Variants in LAMTOR5 observed in about 807,000 individuals in gnomAD.
LAMTOR5 encodes the protein late endosomal/lysosomal adaptor, MAPK and MTOR activator 5.
Under a neutral mutation model 12.1 loss-of-function variants are expected in LAMTOR5, and 8 were observed. The ratio of observed to expected loss-of-function variants is 0.66; its 90% confidence interval spans 0.39 to 1.19. The LOEUF is 1.19. Ranked by LOEUF, LAMTOR5 falls within the 50% of genes most tolerant of loss-of-function variation. The probability of loss-of-function intolerance (pLI) is 0.01; values close to 1 mark genes in which losing one functional copy is unlikely to be tolerated. For synonymous variants in LAMTOR5, 37 were observed against 41.9 expected (o/e 0.88, Z 0.45); for missense variants, 110 against 112.8 (o/e 0.97, Z 0.11).
At chr1:110,406,502 T>A in intron 1 of LAMTOR5, 123 bp from the exon 2 acceptor site, 1 of 623,346 alleles carries the variant, frequency 1.6e-6, no homozygotes, top group Non-Finnish European at 2.7e-6. Context: ...TTTCTCAATC[T>A]TTTTTCATTG....
At chr1:110,407,831 G>C (rs2101114089), upstream of LAMTOR5, 7 of 1,613,918 alleles carry the variant, frequency 4.3e-6, no homozygotes, top group South Asian at 1.1e-5. Context: ...GGCTCCCCGC[G>C]CGGTGACCGT....
intron 3 of LAMTOR5, 63 bp from the exon 4 acceptor site, chr1:110,401,646 A>C (rs1435234844): frequency 3.3e-6 from 5 of 1,527,576 alleles, no homozygotes; most frequent in Non-Finnish European, 4.5e-6. Context: ...GCAAGATTAA[A>C]GATGTTGTTT....
chr1:110,407,637 T>C lies in LAMTOR5; in HGVS notation c.-17A>G, dbSNP rs147389383. 653 of 1,613,968 alleles carry C rather than the reference T, an allele frequency of 4.0e-4. 5 individuals are homozygous for C. The African/African-American group carries it at 7.6e-3, about 19-fold the overall frequency. ...CGCCTCCATCCCACCCACCGACCAC[T>C]CCGGCTCAGAACCCAGCGGCACGGC... On this transcript the variant is annotated 5_prime_UTR_variant, in exon 1 of 4. Transcript: ENST00000602318.
At chr1:110,401,887 CA>C (rs1663237841) in intron 3 of LAMTOR5, among the ~76,000 whole-genome samples, 1 of 152,086 alleles carries the variant, frequency 6.6e-6, no homozygotes, top group Admixed American at 6.5e-5. Flanking sequence ...CTCCTGGGCT[CA>C]AGCAATCCTG....
At chr1:110,405,047 CAAAAAA>C (rs34710454) in intron 2 of LAMTOR5, among the ~76,000 whole-genome samples, 63 of 61,376 alleles carry the variant, frequency 1.0e-3, no homozygotes, top group African/African-American at 3.7e-3. Context: ...GATTTCGTCT[CAAAAAA>C]AAAAAAAAAA....
At chr1:110,407,103 T>C (rs1397244393) in intron 1 of LAMTOR5, 2 of 658,594 alleles carry the variant, frequency 3.0e-6, no homozygotes, top group Non-Finnish European at 5.5e-6. Context: ...CTTTACACTT[T>C]TCCAGTTTTG....
At chr1:110,405,218 T>C (rs1235624296) in intron 2 of LAMTOR5, among the ~76,000 whole-genome samples, 1 of 151,948 alleles carries the variant, frequency 6.6e-6, no homozygotes, top group Non-Finnish European at 1.5e-5. Context: ...TGGAGTGCAA[T>C]GGTGCAATCT....
chr1:110,405,302 T>C (rs1570670679), intron 2 of LAMTOR5, among the ~76,000 whole-genome samples: 1 of 151,778 alleles, frequency 6.6e-6, no homozygotes, highest in Non-Finnish European at 1.5e-5. Flanking sequence ...CTGGGATTAC[T>C]AGCACCTGCT....
Position 110,407,688 on chromosome 1 carries a change from G to A in LAMTOR5, c.-68C>T. ...ACGTCCTTCTCCACCACAGGCCTCAGTCACTTGACGCGAGCGGGGCGTGGA... is the reference window on the plus strand; with the variant it reads ...ACGTCCTTCTCCACCACAGGCCTCAATCACTTGACGCGAGCGGGGCGTGGA... On this transcript the variant is annotated 5_prime_UTR_variant, in exon 1 of 4. Coordinates refer to ENST00000602318, the MANE Select transcript of LAMTOR5 (RefSeq NM_001382293.1). 6.2e-7 allele frequency: 1 copy of A among 1,614,244 alleles called. No homozygotes were observed. The highest frequency in any genetic ancestry group is 8.5e-7 in the Non-Finnish European group (1 of 1,180,048).
intron 3 of LAMTOR5, among the ~76,000 whole-genome samples, chr1:110,402,881 A>C (rs1663255958): frequency 6.6e-6 from 1 of 152,250 alleles, no homozygotes; most frequent in Non-Finnish European, 1.5e-5. Flanking sequence ...ATAAAGTCAA[A>C]AAGTTTTATT....
upstream of LAMTOR5, chr1:110,407,700 G>C: frequency 6.2e-7 from 1 of 1,614,208 alleles, no homozygotes. Context: ...CACTTGACGC[G>C]AGCGGGGCGT....
intron 3 of LAMTOR5, among the ~76,000 whole-genome samples, chr1:110,402,265 T>C (rs1663245307): frequency 6.6e-6 from 1 of 152,308 alleles, no homozygotes; most frequent in Middle Eastern, 3.4e-3. Context: ...TTTTTCTTTT[T>C]TTTGAGACGG....
chr1:110,406,402 G>A, intron 1 of LAMTOR5, 23 bp from the exon 2 acceptor site: 5 of 1,570,764 alleles, frequency 3.2e-6, no homozygotes, highest in Non-Finnish European at 4.4e-6. Context: ...ACACAAGAGA[G>A]TTGAAGTACA....
chr1:110,407,586 G>T lies in LAMTOR5; in HGVS notation c.35C>A (p.Thr12Lys). 1 of 1,613,896 alleles carries T rather than the reference G, an allele frequency of 6.2e-7. No individual in the cohort carries two copies. Among genetic ancestry groups the T allele is most frequent in the South Asian group, 1.1e-5 (1 of 91,068 alleles). ...GGCCGAAGAGGCGCGCACTACTCACGTGTCTTCCAAGTGCTGCTCCAAGGT... is the reference window on the plus strand; with the variant it reads ...GGCCGAAGAGGCGCGCACTACTCACTTGTCTTCCAAGTGCTGCTCCAAGGT... ...EATLEQHLED[T>K]MKNPSIVGVL... The change falls in exon 1 of 4, where the codon ACA becomes AAA. Residue 12 changes from threonine (T) to lysine (K), a missense_variant and splice_region_variant. Coordinates refer to ENST00000602318, the MANE Select transcript of LAMTOR5 (RefSeq NM_001382293.1).
Position 110,403,003 on chromosome 1 carries a change from C to T in LAMTOR5, c.215+916G>A, listed in dbSNP as rs141244021. Among the ~76,000 whole-genome samples the T allele has an allele frequency of 2.5e-3, 385 of 152,234 alleles. 3 individuals carry two copies. Among genetic ancestry groups the T allele is most frequent in the African/African-American group, 8.5e-3 (355 of 41,542 alleles). On this transcript the variant is annotated intron_variant, in intron 3 of 3. Transcript: ENST00000602318. ...CCATACTTTTACTGTATCTTCTCTA[C>T]GTTTAGATACATAAATACCACTGTT...
Position 110,402,214 on chromosome 1 carries a change from TAATA to T in LAMTOR5, c.216-635_216-632del, listed in dbSNP as rs770736962. 2.0e-5 allele frequency among the ~76,000 whole-genome samples: 3 copies of T among 152,316 alleles called. No individual in the cohort carries two copies. In the South Asian group the frequency reaches 6.2e-4, roughly 32 times the overall value. On this transcript the variant is annotated intron_variant, in intron 3 of 3. Transcript: ENST00000602318. The stretch of plus-strand genomic sequence containing the variant: ...ATGTACAGTACGTAACGCTTGATAA[TAATA>T]AATGACTATGCTATGGTTTATGTAT...
rs567180503 is a variant in LAMTOR5 at position 110,401,334 on chromosome 1, T to G, written c.*189A>C. On this transcript the variant is annotated 3_prime_UTR_variant, in exon 4 of 4. Coordinates refer to ENST00000602318, the MANE Select transcript of LAMTOR5 (RefSeq NM_001382293.1). ...GACCTGCTGCTTCAAAACATGATCCTTTCTTACTAATATCTTGATAGTCGG... is the reference window on the plus strand; with the variant it reads ...GACCTGCTGCTTCAAAACATGATCCGTTCTTACTAATATCTTGATAGTCGG... 1 of 475,100 alleles carries G rather than the reference T, an allele frequency of 2.1e-6. No homozygotes were observed. The highest frequency in any genetic ancestry group is 2.0e-5 in the African/African-American group (1 of 51,158). The allele number at this position is 475,100 out of a possible 1,614,324, so 29.4% of individuals were successfully genotyped here.
At chr1:110,405,747 A>G (rs1663314340) in intron 2 of LAMTOR5, among the ~76,000 whole-genome samples, 1 of 152,248 alleles carries the variant, frequency 6.6e-6, no homozygotes, top group Non-Finnish European at 1.5e-5. Flanking sequence ...TATGATTATT[A>G]CCATTATCAA....
intron 1 of LAMTOR5, chr1:110,406,837 A>C (rs1663340719): frequency 4.6e-6 from 2 of 435,074 alleles, no homozygotes; most frequent in Non-Finnish European, 8.1e-6. Flanking sequence ...AAAGAACACA[A>C]AAAATTTAAG....
Sources: allele counts gnomAD v4.1 joint callset (sites outside exome capture counted in the v4.1 genomes callset), GRCh38; gene constraint gnomAD v4.1.1; transcripts MANE v1.5; gene names NCBI Gene and HGNC (gene_info 2026-07-23, HGNC 2026-07-21).